Variants in RBFOX1 observed in about 807,000 individuals in gnomAD.
RBFOX1 encodes RNA binding fox-1 homolog 1.
Under a neutral mutation model 57.7 loss-of-function variants are expected in RBFOX1, and 8 were observed. The observed-to-expected ratio is 0.14, with a 90% CI of 0.08 to 0.25. The LOEUF (loss-of-function observed/expected upper bound fraction) is 0.25. Among genes scored for constraint, RBFOX1 ranks in the 10% least tolerant of loss-of-function variants. RBFOX1 has a pLI of 1.00. For synonymous variants in RBFOX1, 326 were observed against 222.4 expected, an observed-to-expected ratio of 1.47 and a Z score of -4.15; for missense variants, 611 against 548.5, an observed-to-expected ratio of 1.11 and a Z score of -1.14.
intron 2 of RBFOX1, among the ~76,000 whole-genome samples, chr16:6,540,781 A>G (rs1185930600): frequency 1.1e-4 from 16 of 152,220 alleles, no homozygotes. Context: ...GTAACTCTTT[A>G]AAAAGACTGG....
intron 2 of RBFOX1, among the ~76,000 whole-genome samples, chr16:6,596,754 C>A (rs2097780136): frequency 1.3e-5 from 2 of 152,164 alleles, no homozygotes; most frequent in African/African-American, 4.8e-5. Flanking sequence ...AGCCCTTCTT[C>A]CTTCTTGGAT....
intron 4 of RBFOX1, among the ~76,000 whole-genome samples, chr16:7,423,335 C>T (rs1305405053): frequency 1.3e-5 from 2 of 151,656 alleles, no homozygotes; most frequent in African/African-American, 2.4e-5. Flanking sequence ...AAGAGTGCAT[C>T]TTGCAAAAAT....
intron 2 of RBFOX1, among the ~76,000 whole-genome samples, chr16:6,493,087 C>T (rs192155211): frequency 1.3e-5 from 2 of 152,258 alleles, no homozygotes; most frequent in Admixed American, 6.5e-5. Flanking sequence ...GAAAAGCCTC[C>T]ATTTTGCAAA....
intron 3 of RBFOX1, among the ~76,000 whole-genome samples, chr16:7,033,770 C>G (rs773869312): frequency 3.3e-5 from 5 of 152,018 alleles, no homozygotes; most frequent in South Asian, 2.1e-4. Flanking sequence ...GAGCTGGGGA[C>G]CAGCCTGAGT....
At chr16:5,342,808 C>T (rs1422363389) in intron 1 of RBFOX1, among the ~76,000 whole-genome samples, 1 of 152,146 alleles carries the variant, frequency 6.6e-6, no homozygotes, top group Non-Finnish European at 1.5e-5. Flanking sequence ...CATCTGCTTA[C>T]CTAGTTTTCC....
chr16:5,641,781 C>A (rs557849333), intron 3 of RBFOX1, among the ~76,000 whole-genome samples: 152 of 152,274 alleles, frequency 1.0e-3, no homozygotes, highest in Middle Eastern at 3.4e-3. Flanking sequence ...CCATGAAGAC[C>A]AGTGCATCTC....
At chr16:6,574,165 A>G (rs1162555925) in intron 2 of RBFOX1, among the ~76,000 whole-genome samples, 2 of 152,174 alleles carry the variant, frequency 1.3e-5, no homozygotes, top group Admixed American at 1.3e-4. Context: ...GCGATATATT[A>G]TTGGTGGGAC....
chr16:6,616,199 C>G (rs1362331129), intron 2 of RBFOX1, among the ~76,000 whole-genome samples: 4 of 152,136 alleles, frequency 2.6e-5, no homozygotes. Flanking sequence ...TCTTTGGTAA[C>G]TGGATAAACA....
chr16:7,136,700 A>G (rs548567064), intron 4 of RBFOX1, among the ~76,000 whole-genome samples: 3 of 152,112 alleles, frequency 2.0e-5, no homozygotes, highest in Non-Finnish European at 4.4e-5. Context: ...TACGGGTGTG[A>G]GTCACTTCAC....
At chr16:7,243,837 A>G (rs1004556329) in intron 4 of RBFOX1, among the ~76,000 whole-genome samples, 2 of 152,162 alleles carry the variant, frequency 1.3e-5, no homozygotes, top group Non-Finnish European at 2.9e-5. Context: ...GGTATGAGCC[A>G]CTGCATCCTA....
At chr16:5,986,835 G>C (rs1032827570) in intron 4 of RBFOX1, among the ~76,000 whole-genome samples, 1 of 152,142 alleles carries the variant, frequency 6.6e-6, no homozygotes, top group Non-Finnish European at 1.5e-5. Context: ...TGTAAACATT[G>C]GTGTACAGGG....
chr16:6,193,934 G>T (rs929659241), intron 1 of RBFOX1, among the ~76,000 whole-genome samples: 15 of 152,090 alleles, frequency 9.9e-5, no homozygotes, highest in African/African-American at 3.6e-4. Flanking sequence ...GCTCTCCAAG[G>T]TTCTGACCTC....
intron 3 of RBFOX1, among the ~76,000 whole-genome samples, chr16:5,690,051 A>AG (rs1340034649): frequency 6.6e-6 from 1 of 152,220 alleles, no homozygotes; most frequent in African/African-American, 2.4e-5. Context: ...GTGAAGCTGA[A>AG]GGAGAGCTGG....
chr16:5,806,421 C>T (rs1401626429), intron 3 of RBFOX1, among the ~76,000 whole-genome samples: 2 of 152,066 alleles, frequency 1.3e-5, no homozygotes, highest in South Asian at 2.1e-4. Flanking sequence ...TGGAGAAGAG[C>T]CAGAAAGGGA....
At chr16:7,092,382 G>C (rs939061451) in intron 4 of RBFOX1, among the ~76,000 whole-genome samples, 1 of 152,162 alleles carries the variant, frequency 6.6e-6, no homozygotes, top group Non-Finnish European at 1.5e-5. Flanking sequence ...GAAATACTCT[G>C]TTTCAAAAAA....
chr16:6,912,402 G>A lies in RBFOX1; in HGVS notation c.-15-139655G>A, dbSNP rs369330899. On this transcript the variant is annotated intron_variant, in intron 3 of 15. Coordinates refer to ENST00000550418, the MANE Select transcript of RBFOX1 (RefSeq NM_018723.4). ...GGGGACGGTACATTTTGCGAACCAC[G>A]GGGCTACTGAAATGAGGTGTCTGTT... is the stretch of plus-strand genomic sequence containing the variant. 4.6e-5 allele frequency among the ~76,000 whole-genome samples: 7 copies of A among 151,994 alleles called. No homozygotes were observed. In the East Asian group the frequency reaches 1.2e-3, roughly 25 times the overall value.
intron 2 of RBFOX1, among the ~76,000 whole-genome samples, chr16:5,481,240 A>G (rs1362523707): frequency 6.6e-6 from 1 of 152,194 alleles, no homozygotes; most frequent in Admixed American, 6.5e-5. Context: ...CCAAGGCAGG[A>G]CTGGGGTCTT....
intron 14 of RBFOX1, among the ~76,000 whole-genome samples, chr16:7,708,015 C>A (rs572779011): frequency 1.3e-5 from 2 of 152,132 alleles, no homozygotes; most frequent in African/African-American, 2.4e-5. Context: ...GCACAGGATA[C>A]GGTGGACCAA....
At chr16:5,458,230 T>G (rs113715722) in intron 1 of RBFOX1, among the ~76,000 whole-genome samples, 4,823 of 152,308 alleles carry the variant, frequency 0.032, 272 homozygotes, top group African/African-American at 0.11. Context: ...AGTTGGATTA[T>G]GATGGCTTTA....
Sources: gnomAD v4.1 joint callset for allele counts (sites outside exome capture counted in the v4.1 genomes callset) on GRCh38, gnomAD v4.1.1 for gene constraint, MANE v1.5 for transcripts, NCBI Gene and HGNC (gene_info 2026-07-23, HGNC 2026-07-21) for gene names.